The following FBRSL1 variants were observed in gnomAD, a reference collection of about 807,000 sequenced individuals.
FBRSL1 encodes the protein fibrosin like 1.
FBRSL1 carries 51 observed loss-of-function variants against 89.6 expected under a neutral mutation model. The ratio of observed to expected loss-of-function variants is 0.57; its 90% CI spans 0.45 to 0.72. FBRSL1 has a LOEUF of 0.72. Among genes scored for constraint, FBRSL1 ranks in the 30% least tolerant of loss-of-function variants. FBRSL1 has a pLI of 0.00. For missense variants in FBRSL1, 1,618 were observed against 1,451.8 expected (o/e 1.11, Z -1.86); for synonymous variants, 779 against 681.1 (o/e 1.14, Z -2.24).
chr12:132,528,153 TGGG>T (rs542488543), intron 4 of FBRSL1, among the ~76,000 whole-genome samples, 165 bp downstream of exon 4: 239 of 151,952 alleles, frequency 1.6e-3, no homozygotes, highest in African/African-American at 5.6e-3. Flanking sequence ...ATGGGGTTGG[TGGG>T]GGGTGGACAA....
chr12:132,513,458 C>A (rs948227093), intron 2 of FBRSL1, among the ~76,000 whole-genome samples: 1 of 152,128 alleles, frequency 6.6e-6, no homozygotes, highest in Non-Finnish European at 1.5e-5. Context: ...AGGCTGCCCG[C>A]TGCCCGACTA....
intron 9 of FBRSL1, 34 bp from the exon 10 acceptor site, chr12:132,572,254 T>C: frequency 6.5e-7 from 1 of 1,547,064 alleles, no homozygotes; most frequent in South Asian, 1.2e-5. Flanking sequence ...GTGTCGTGTG[T>C]GCGGGGCCTC....
intron 5 of FBRSL1, among the ~76,000 whole-genome samples, chr12:132,562,239 G>A (rs558634821): frequency 1.5e-4 from 23 of 152,292 alleles, no homozygotes; most frequent in African/African-American, 5.5e-4. Context: ...AAAGCCACAT[G>A]CCCCAACCTC....
chr12:132,538,534 G>A (rs1038910175), intron 4 of FBRSL1, among the ~76,000 whole-genome samples: 18 of 152,318 alleles, frequency 1.2e-4, no homozygotes, highest in Admixed American at 9.8e-4. Flanking sequence ...CCACGGGGCC[G>A]CCACGTGGCA....
intron 5 of FBRSL1, among the ~76,000 whole-genome samples, chr12:132,549,900 C>G (rs1309133576): frequency 6.6e-6 from 1 of 152,186 alleles, no homozygotes; most frequent in South Asian, 2.1e-4. Flanking sequence ...AAAGAGGGTT[C>G]TAGAATGGGG....
chr12:132,574,078 T>G lies in FBRSL1; in HGVS notation c.1531-12T>G. On this transcript the variant is annotated splice_polypyrimidine_tract_variant and intron_variant, in intron 11 of 18. Transcript: ENST00000680143. ...CCCCAGGCGCACACAAGCTGTCTCTTTCTCCCCTCAGACTTCAAGCCCCAT... is the reference window on the plus strand; with the variant it reads ...CCCCAGGCGCACACAAGCTGTCTCTGTCTCCCCTCAGACTTCAAGCCCCAT... The G allele has an allele frequency of 7.8e-7, 1 of 1,279,498 alleles. No individual in the cohort carries two copies. Among genetic ancestry groups the G allele is most frequent in the African/African-American group, 1.6e-5 (1 of 64,396 alleles). The allele number at this position is 1,279,498 out of a possible 1,614,324, so 79.3% of individuals were successfully genotyped here. A position where few individuals can be genotyped will look rare whatever the true frequency, so the allele number is the denominator to read the frequency against.
chr12:132,549,424 C>T (rs1000399165), intron 5 of FBRSL1, among the ~76,000 whole-genome samples: 9 of 152,214 alleles, frequency 5.9e-5, no homozygotes, highest in Admixed American at 2.0e-4. Flanking sequence ...CGAACCGTGA[C>T]GGGCCTAACA....
At position 132,582,094 on chromosome 12, in the gene FBRSL1, G is replaced by C; in HGVS notation, c.2029G>C (p.Gly677Arg). ...TGGCAGCATCTTTGCCCCCAAGGAG[G>C]GCTCCTCCGTGCACGGCCTGCCCAG... ...PGGSIFAPKE[G>R]SSVHGLPSPH... is the part of the protein sequence containing the mutation. Residue 677 changes from glycine to arginine, a missense_variant, in exon 18 of 19, where the codon GGC becomes CGC. Gly to Arg is a moderately radical substitution (Grantham distance 125, BLOSUM62 -2). Transcript: ENST00000680143. The C allele has an allele frequency of 6.5e-7, 1 of 1,549,044 alleles. No homozygotes were observed. The highest frequency in any genetic ancestry group is 1.2e-5 in the South Asian group (1 of 83,982).
intron 2 of FBRSL1, among the ~76,000 whole-genome samples, chr12:132,512,831 C>A (rs148717306): frequency 0.012 from 1,829 of 152,340 alleles, 23 homozygotes; most frequent in Non-Finnish European, 0.018. Flanking sequence ...CTGTGGCCAA[C>A]AGCTGGGGGT....
At chr12:132,573,081 A>G (rs1443706870) in intron 11 of FBRSL1, among the ~76,000 whole-genome samples, 2 of 152,152 alleles carry the variant, frequency 1.3e-5, no homozygotes, top group South Asian at 4.1e-4. Context: ...GGGTAGCAGG[A>G]GGTTGTGTGC....
chr12:132,529,013 G>A (rs762235649), intron 4 of FBRSL1, among the ~76,000 whole-genome samples: 2 of 152,138 alleles, frequency 1.3e-5, no homozygotes, highest in Non-Finnish European at 2.9e-5. Context: ...CCTCATGACT[G>A]TGTTTCATTT....
In FBRSL1 at chr12:132,583,335, C is replaced by A; in HGVS notation, c.2566C>A (p.Arg856Ser). 1 of 1,180,306 alleles carries A rather than the reference C, an allele frequency of 8.5e-7. No homozygotes were observed. The highest frequency in any genetic ancestry group is 1.1e-6 in the Non-Finnish European group (1 of 951,892). 73.1% of individuals were successfully genotyped at this position (1,180,306 alleles called of 1,614,324 possible). Reference protein sequence around the residue: ...GAPGFAWEPFRGLELPRRAFP... With the variant: ...GAPGFAWEPFSGLELPRRAFP... ...GCCGGGCTTCGCGTGGGAGCCTTTCCGCGGCCTGGAGCTGCCACGTCGCGC... is the reference window on the plus strand; with the variant it reads ...GCCGGGCTTCGCGTGGGAGCCTTTCAGCGGCCTGGAGCTGCCACGTCGCGC... The change falls in exon 19 of 19, where the codon CGC (arginine) becomes AGC (serine). Residue 856 changes from arginine to serine, a missense_variant. Physicochemically the swap from Arg to Ser is moderately radical, Grantham distance 110 (BLOSUM62 -1). Transcript: ENST00000680143.
chr12:132,572,775 G>T (rs955796714), intron 11 of FBRSL1, among the ~76,000 whole-genome samples, 153 bp downstream of exon 11: 1 of 152,234 alleles, frequency 6.6e-6, no homozygotes, highest in African/African-American at 2.4e-5. Context: ...AGCAGCCCCT[G>T]CCAGGATGGG....
intron 4 of FBRSL1, among the ~76,000 whole-genome samples, chr12:132,532,087 G>A (rs529802015): frequency 2.0e-4 from 31 of 152,306 alleles, no homozygotes; most frequent in South Asian, 1.4e-3. Flanking sequence ...CATTCCTGCC[G>A]GCACAGGACC....
At chr12:132,575,340 A>G (rs1020638882) in intron 14 of FBRSL1, among the ~76,000 whole-genome samples, 23 of 151,956 alleles carry the variant, frequency 1.5e-4, no homozygotes, top group Non-Finnish European at 1.2e-4. Flanking sequence ...CCATTCTCCT[A>G]CCTCGGCCTC....
chr12:132,507,071 G>A (rs149612561), intron 1 of FBRSL1: 533 of 424,848 alleles, frequency 1.3e-3, no homozygotes, highest in African/African-American at 9.2e-3. Flanking sequence ...TGCCCTTACC[G>A]GAGGGACAGC....
Position 132,499,823 on chromosome 12 carries a change from C to T in FBRSL1, c.292-8330C>T, listed in dbSNP as rs2032675557. On this transcript the variant is annotated intron_variant, in intron 1 of 18. Coordinates refer to ENST00000680143, the MANE Select transcript of FBRSL1 (RefSeq NM_001367871.1). The surrounding 1 kb of genome is among the most constrained non-coding windows in gnomAD (Gnocchi z 4.3). ...GGTTCCACGTACCTGTGGAGGACGGCAGGCGTCCTCAGGAGTGTGAGGGAC... is the reference window on the plus strand; with the variant it reads ...GGTTCCACGTACCTGTGGAGGACGGTAGGCGTCCTCAGGAGTGTGAGGGAC... Among the ~76,000 whole-genome samples the T allele has an allele frequency of 6.6e-6, 1 of 152,144 alleles. No individual in the cohort carries two copies. The highest frequency in any genetic ancestry group is 1.5e-5 in the Non-Finnish European group (1 of 67,998).
At chr12:132,531,383 ATGTG>A (rs998802710) in intron 4 of FBRSL1, among the ~76,000 whole-genome samples, 5 of 151,376 alleles carry the variant, frequency 3.3e-5, no homozygotes, top group African/African-American at 4.9e-5. Context: ...GTGCATGTGC[ATGTG>A]TGTATGTGTG....
In FBRSL1 at chr12:132,572,043, G is replaced by C. The variant is rs1391168652; in HGVS notation, c.1378-245G>C. On this transcript the variant is annotated intron_variant, in intron 9 of 18. Coordinates refer to ENST00000680143, the MANE Select transcript of FBRSL1 (RefSeq NM_001367871.1). ...CTCAGCCAGGCACACAGACTGCCTG[G>C]GGGGGCCGAGTTCCCACCCCATGCA... is the stretch of plus-strand genomic sequence containing the variant. 14 of 565,732 alleles carry C rather than the reference G, an allele frequency of 2.5e-5. No individual in the cohort carries two copies. In the East Asian group the frequency reaches 3.8e-4, roughly 15 times the overall value. The allele number at this position is 565,732 out of a possible 1,614,324, so 35.0% of individuals were successfully genotyped here.
Sources: gnomAD v4.1 joint callset for allele counts (sites outside exome capture counted in the v4.1 genomes callset) on GRCh38, gnomAD v4.1.1 for gene constraint, Gnocchi (gnomAD v3.1) non-coding constraint, MANE v1.5 for transcripts, NCBI Gene and HGNC (gene_info 2026-07-23, HGNC 2026-07-21) for gene names.